Variants in PTPRJ observed in about 807,000 individuals in gnomAD.
PTPRJ encodes the protein protein tyrosine phosphatase receptor type J.
PTPRJ carries 129 observed loss-of-function variants against 141.3 expected under a neutral mutation model. The ratio of observed to expected loss-of-function variants is 0.91; its 90% CI spans 0.79 to 1.06. PTPRJ has a LOEUF of 1.06. Among genes scored for constraint, PTPRJ ranks in the 50% least tolerant of loss-of-function variants. The pLI, the probability that PTPRJ is intolerant of heterozygous loss-of-function variation, is 0.00. For synonymous variants in PTPRJ, 610 were observed against 640.5 expected (o/e 0.95, Z 0.72); for missense variants, 1,601 against 1,679.7 (o/e 0.95, Z 0.82).
At position 48,160,023 on chromosome 11, in the gene PTPRJ, A is replaced by G. The variant is rs764351568; in HGVS notation, c.3532A>G (p.Thr1178Ala). Residue 1178 changes from threonine (T) to alanine (A), a missense_variant, in exon 22 of 25, where the codon ACC becomes GCC. Transcript: ENST00000418331. ...MTSEIVLPEW[T>A]IRDFTVKNIQ... ...ATCAGAAATTGTTCTTCCGGAATGGACCATCAGAGATTTCACAGTGAAAAA... is the reference window on the plus strand; with the variant it reads ...ATCAGAAATTGTTCTTCCGGAATGGGCCATCAGAGATTTCACAGTGAAAAA... The G allele has an allele frequency of 6.2e-7, 1 of 1,613,972 alleles. No homozygotes were observed. The highest frequency in any genetic ancestry group is 2.2e-5 in the East Asian group (1 of 44,872).
chr11:47,990,619 C>G (rs923026893), intron 1 of PTPRJ, among the ~76,000 whole-genome samples: 3 of 151,434 alleles, frequency 2.0e-5, no homozygotes, highest in African/African-American at 7.3e-5. Context: ...ATCATGTTGG[C>G]CAGGCTGGTC....
At chr11:48,058,625 G>A (rs943810640) in intron 1 of PTPRJ, among the ~76,000 whole-genome samples, 1 of 152,080 alleles carries the variant, frequency 6.6e-6, no homozygotes, top group Non-Finnish European at 1.5e-5. Flanking sequence ...CCTCTCCCCA[G>A]CCACCGCTCT....
intron 14 of PTPRJ, among the ~76,000 whole-genome samples, chr11:48,145,588 T>C (rs1046070484): frequency 1.4e-5 from 2 of 144,940 alleles, no homozygotes; most frequent in African/African-American, 5.0e-5. Context: ...AGACAGAGTC[T>C]TGCTCTGTCA....
intron 1 of PTPRJ, among the ~76,000 whole-genome samples, chr11:48,067,621 C>T (rs148341507): frequency 6.6e-6 from 1 of 152,228 alleles, no homozygotes; most frequent in East Asian, 1.9e-4. Context: ...TGCTCTGCAC[C>T]AAGAGGCAAA....
chr11:48,054,209 C>T (rs574988102), intron 1 of PTPRJ, among the ~76,000 whole-genome samples: 2 of 152,346 alleles, frequency 1.3e-5, no homozygotes, highest in South Asian at 4.1e-4. Flanking sequence ...GCTGGGATTA[C>T]AGGCGTGAGC....
At chr11:48,091,920 AGCCT>A (rs1193959034) in intron 1 of PTPRJ, among the ~76,000 whole-genome samples, 1 of 152,162 alleles carries the variant, frequency 6.6e-6, no homozygotes, top group Non-Finnish European at 1.5e-5. Context: ...GGTAGAGGTA[AGCCT>A]CCCCTGTGAA....
At chr11:48,018,137 T>C (rs546404812) in intron 1 of PTPRJ, among the ~76,000 whole-genome samples, 1 of 152,134 alleles carries the variant, frequency 6.6e-6, no homozygotes, top group African/African-American at 2.4e-5. Context: ...TCTAAGTAGC[T>C]TTATCATTTA....
At chr11:47,991,514 G>A (rs1854192728) in intron 1 of PTPRJ, among the ~76,000 whole-genome samples, 2 of 152,198 alleles carry the variant, frequency 1.3e-5, no homozygotes, top group Admixed American at 6.5e-5. Context: ...CTGTTTCCAC[G>A]GCAGCAAGGT....
chr11:48,038,413 T>A (rs191564486), intron 1 of PTPRJ, among the ~76,000 whole-genome samples: 1 of 152,154 alleles, frequency 6.6e-6, no homozygotes, highest in South Asian at 2.1e-4. Context: ...CAGCCTTACT[T>A]TGGAGTTTTT....
chr11:48,018,017 T>G (rs1854994025), intron 1 of PTPRJ, among the ~76,000 whole-genome samples: 1 of 152,230 alleles, frequency 6.6e-6, no homozygotes, highest in Non-Finnish European at 1.5e-5. Flanking sequence ...TGTGTATGCA[T>G]GTGTGAATGG....
At chr11:48,035,538 CTTTTTTTTTTTTT>C (rs66504227) in intron 1 of PTPRJ, among the ~76,000 whole-genome samples, 6 of 61,748 alleles carry the variant, frequency 9.7e-5, no homozygotes, top group East Asian at 5.4e-4. Flanking sequence ...CTTTCTTCTT[CTTTTTTTTTTTTT>C]TTTTTTTTTT....
chr11:48,072,104 C>A (rs1165512559), intron 1 of PTPRJ, among the ~76,000 whole-genome samples: 1 of 151,954 alleles, frequency 6.6e-6, no homozygotes, highest in Non-Finnish European at 1.5e-5. Flanking sequence ...GGGGTTTCAC[C>A]ATGTTGGCCA....
At chr11:48,071,087 G>A (rs1855233994) in intron 1 of PTPRJ, among the ~76,000 whole-genome samples, 1 of 152,120 alleles carries the variant, frequency 6.6e-6, no homozygotes, top group Non-Finnish European at 1.5e-5. Context: ...TCCTGGGATT[G>A]CATAATTATT....
intron 14 of PTPRJ, among the ~76,000 whole-genome samples, chr11:48,145,761 G>C (rs904823520): frequency 2.0e-5 from 3 of 152,036 alleles, no homozygotes; most frequent in African/African-American, 7.2e-5. Flanking sequence ...GTTTTGCTCT[G>C]TTGGCCAGGC....
chr11:48,107,681 G>A (rs1856329663), intron 1 of PTPRJ, among the ~76,000 whole-genome samples: 1 of 152,198 alleles, frequency 6.6e-6, no homozygotes, highest in African/African-American at 2.4e-5. Flanking sequence ...GTCAAGATCT[G>A]GGTTCTGGTT....
chr11:48,149,529 A>G (rs776417337), intron 16 of PTPRJ, 41 bp downstream of exon 16: 7 of 1,275,550 alleles, frequency 5.5e-6, no homozygotes, highest in South Asian at 4.1e-5. Flanking sequence ...AAATCCTCCA[A>G]TCTGTTCGGT....
chr11:48,159,133 G>GTATGTGGGGGGTGTGTGTGTC (rs1565333277), intron 21 of PTPRJ, among the ~76,000 whole-genome samples: 1 of 117,718 alleles, frequency 8.5e-6, no homozygotes, highest in Non-Finnish European at 2.0e-5. Context: ...GTGTGTGTGT[G>GTATGTGGGGGGTGTGTGTGTC]TGTGTGTGTG....
chr11:48,009,930 C>G (rs548429104), intron 1 of PTPRJ, among the ~76,000 whole-genome samples: 15 of 152,378 alleles, frequency 9.8e-5, no homozygotes, highest in African/African-American at 3.1e-4. Flanking sequence ...CAAGGCCCCC[C>G]ATGCCTGTTG....
intron 1 of PTPRJ, among the ~76,000 whole-genome samples, chr11:48,074,928 A>C (rs551624093): frequency 5.9e-5 from 9 of 152,278 alleles, no homozygotes; most frequent in African/African-American, 1.9e-4. Context: ...TTACACATTA[A>C]GCAAGCATAG....
Sources: allele counts gnomAD v4.1 joint callset (sites outside exome capture counted in the v4.1 genomes callset), GRCh38; gene constraint gnomAD v4.1.1; transcripts MANE v1.5; gene names NCBI Gene and HGNC (gene_info 2026-07-23, HGNC 2026-07-21).